DIAPH2: variants seen among roughly 807,000 people sequenced by gnomAD.
The protein encoded by DIAPH2 is diaphanous related formin 2.
DIAPH2 carries 35 observed loss-of-function variants against 92.7 expected under a neutral mutation model. The ratio of observed to expected loss-of-function variants is 0.38; its 90% CI spans 0.29 to 0.50. The LOEUF is 0.50. Ranked by LOEUF, DIAPH2 falls within the 20% of genes least tolerant of loss-of-function variation. DIAPH2 has a pLI of 0.94. For synonymous variants in DIAPH2, 301 were observed against 280.4 expected (o/e 1.07, Z -0.73); for missense variants, 701 against 819.5 (o/e 0.86, Z 1.77).
intron 3 of DIAPH2, among the ~76,000 whole-genome samples, chrX:96,745,993 C>T (rs761426467): frequency 6.6e-4 from 74 of 111,813 alleles, no homozygotes; most frequent in African/African-American, 2.2e-3. Flanking sequence ...TCAAACTCCT[C>T]GGCTCAAGCC....
At chrX:97,063,076 C>T (rs5920721) in intron 17 of DIAPH2, among the ~76,000 whole-genome samples, 35,841 of 105,842 alleles carry the variant, frequency 0.34, 6,133 homozygotes, top group South Asian at 0.5. Flanking sequence ...TCTTCAGGTC[C>T]TCCCTATCTT....
At chrX:96,780,814 C>CT (rs60345216) in intron 4 of DIAPH2, among the ~76,000 whole-genome samples, 40,083 of 95,105 alleles carry the variant, frequency 0.42, 8,485 homozygotes, top group African/African-American at 0.74. Flanking sequence ...TCTCCCTGAT[C>CT]TTTTTTTTTT....
intron 9 of DIAPH2, among the ~76,000 whole-genome samples, chrX:96,928,041 A>G (rs1355741623): frequency 9.0e-6 from 1 of 111,267 alleles, no homozygotes; most frequent in Non-Finnish European, 1.9e-5. Flanking sequence ...ACCCATCCTT[A>G]AAATCTTTTG....
chrX:97,369,885 C>T (rs1468232300), intron 24 of DIAPH2, among the ~76,000 whole-genome samples: 1 of 111,722 alleles, frequency 9.0e-6, no homozygotes, highest in Non-Finnish European at 1.9e-5. Flanking sequence ...TTTTTATTCC[C>T]TCCCATGTGA....
At chrX:97,144,291 T>G (rs2067228247) in intron 22 of DIAPH2, among the ~76,000 whole-genome samples, 1 of 111,337 alleles carries the variant, frequency 9.0e-6, no homozygotes, top group South Asian at 3.8e-4. Flanking sequence ...ACCATTGCAC[T>G]CTAGCCTGGG....
intron 25 of DIAPH2, among the ~76,000 whole-genome samples, chrX:97,413,561 A>G (rs919951454): frequency 9.0e-5 from 10 of 111,177 alleles, no homozygotes; most frequent in African/African-American, 3.3e-4. Context: ...CAGGGCAATC[A>G]GACGAGAAAG....
chrX:97,225,038 C>T (rs2067954538), intron 22 of DIAPH2, among the ~76,000 whole-genome samples: 1 of 110,817 alleles, frequency 9.0e-6, no homozygotes, highest in Non-Finnish European at 1.9e-5. Flanking sequence ...TGCTTATTCT[C>T]CAAACCTCCC....
At chrX:97,081,044 T>G (rs914695725) in intron 19 of DIAPH2, among the ~76,000 whole-genome samples, 4 of 112,055 alleles carry the variant, frequency 3.6e-5, no homozygotes, top group African/African-American at 1.3e-4. Context: ...TTGAAAACAT[T>G]TTTCTCTTAA....
chrX:96,738,197 T>A (rs1005000443), intron 2 of DIAPH2, among the ~76,000 whole-genome samples: 2 of 111,981 alleles, frequency 1.8e-5, no homozygotes, highest in African/African-American at 6.5e-5. Flanking sequence ...TCTCTTAGAA[T>A]TGGAAATCAG....
In DIAPH2 at chrX:96,881,575, A is replaced by G; in HGVS notation, c.448-4A>G. ...CTAAAATGGTCTCTTTGTTTATTTT[A>G]TAGGGTGGGCTGAAAAACAGCAAAC... On this transcript the variant is annotated splice_region_variant and splice_polypyrimidine_tract_variant and intron_variant, in intron 4 of 26. Transcript: ENST00000324765. 8.3e-7 allele frequency: 1 copy of G among 1,198,405 alleles called. No homozygotes were observed. The highest frequency in any genetic ancestry group is 1.1e-6 in the Non-Finnish European group (1 of 889,871).
rs149536562 is a variant in DIAPH2, at chrX:97,573,602, T to G, written c.3242-25651T>G. Among the ~76,000 whole-genome samples, 454 of 110,743 alleles carry G rather than the reference T, an allele frequency of 4.1e-3. 3 individuals are homozygous for G. Among genetic ancestry groups the G allele is most frequent in the Admixed American group, 0.03 (311 of 10,417 alleles). On this transcript the variant is annotated intron_variant, in intron 26 of 26. Coordinates refer to ENST00000324765, the MANE Select transcript of DIAPH2 (RefSeq NM_006729.5). The stretch of plus-strand genomic sequence containing the variant: ...AATGAAGTTCACTTAACCCTTTTTC[T>G]TCATAAAATAAAATGGTATCAAGGT...
chrX:97,490,094 T>G (rs945245815), intron 26 of DIAPH2, among the ~76,000 whole-genome samples: 2 of 111,330 alleles, frequency 1.8e-5, no homozygotes, highest in Non-Finnish European at 3.8e-5. Context: ...GTCTCCTTGT[T>G]TGTTATTGGT....
At chrX:96,722,131 G>A (rs1349496256) in intron 1 of DIAPH2, among the ~76,000 whole-genome samples, 2 of 111,582 alleles carry the variant, frequency 1.8e-5, no homozygotes, top group Non-Finnish European at 3.8e-5. Flanking sequence ...CAAGGAGGGC[G>A]GATCACCTGG....
chrX:97,312,906 C>T (rs781769216), intron 23 of DIAPH2, among the ~76,000 whole-genome samples: 4 of 110,099 alleles, frequency 3.6e-5, no homozygotes, highest in Non-Finnish European at 5.7e-5. Context: ...TGGCTGGGCG[C>T]GGTGGCTCAC....
At chrX:96,835,749 C>T (rs2064882001) in intron 4 of DIAPH2, among the ~76,000 whole-genome samples, 1 of 111,921 alleles carries the variant, frequency 8.9e-6, no homozygotes, top group Admixed American at 9.5e-5. Context: ...AATGAGTTCT[C>T]TGTGTTGTAC....
chrX:97,128,339 G>A (rs2067107847), intron 21 of DIAPH2, among the ~76,000 whole-genome samples: 1 of 110,929 alleles, frequency 9.0e-6, no homozygotes, highest in South Asian at 3.9e-4. Flanking sequence ...CACTCTCATC[G>A]CCATTTTGGT....
At chrX:97,506,138 CTTTTTTTTTTTTTTTTTTTT>C (rs11385451) in intron 26 of DIAPH2, among the ~76,000 whole-genome samples, 7 of 28,110 alleles carry the variant, frequency 2.5e-4, no homozygotes, top group Non-Finnish European at 4.0e-4. Context: ...TATCTAGTGC[CTTTTTTTTTTTTTTTTTTTT>C]TTTTTTTTTG....
At chrX:96,959,870 G>A (rs746560498) in intron 16 of DIAPH2, among the ~76,000 whole-genome samples, 24 of 111,613 alleles carry the variant, frequency 2.2e-4, no homozygotes, top group African/African-American at 7.5e-4. Context: ...TTATTGAAGA[G>A]GGTGTCCTTT....
chrX:96,716,718 G>T (rs2063952363), intron 1 of DIAPH2, among the ~76,000 whole-genome samples: 1 of 111,345 alleles, frequency 9.0e-6, no homozygotes. Flanking sequence ...ATGTTTACTA[G>T]AACACCCCAG....
Sources: gnomAD v4.1 joint callset for allele counts (sites outside exome capture counted in the v4.1 genomes callset) on GRCh38, gnomAD v4.1.1 for gene constraint, MANE v1.5 for transcripts, NCBI Gene and HGNC (gene_info 2026-07-23, HGNC 2026-07-21) for gene names.